The following CYSLTR1 variants were observed in gnomAD, a reference collection of about 807,000 sequenced individuals.
CYSLTR1 encodes cysteinyl leukotriene receptor 1, also known as G-protein coupled receptor HG55.
In CYSLTR1, 1 loss-of-function variant was observed where a neutral mutation model predicts 2.1. The ratio of observed to expected loss-of-function variants is 0.48; its 90% CI spans 0.17 to 2.28. CYSLTR1 has a LOEUF of 2.28. Among genes scored for constraint, CYSLTR1 ranks in the 30% most tolerant of loss-of-function variants. The probability of loss-of-function intolerance (pLI) is 0.26; values close to 1 mark genes in which losing one functional copy is unlikely to be tolerated. For synonymous variants in CYSLTR1, 110 were observed against 89.6 expected (o/e 1.23, Z -1.28); for missense variants, 299 against 250.1 (o/e 1.20, Z -1.32).
At chrX:78,314,899 G>T (rs1430023271) in intron 1 of CYSLTR1, among the ~76,000 whole-genome samples, 1 of 108,719 alleles carries the variant, frequency 9.2e-6, no homozygotes, top group East Asian at 2.9e-4. Flanking sequence ...CAGATACAGT[G>T]GACTAGAGAA....
chrX:78,304,899 G>A, intron 1 of CYSLTR1, among the ~76,000 whole-genome samples: 1 of 111,828 alleles, frequency 8.9e-6, no homozygotes, highest in African/African-American at 3.2e-5. Context: ...TTGTAATTTT[G>A]AGTTGGTCTG....
intron 1 of CYSLTR1, among the ~76,000 whole-genome samples, chrX:78,291,275 G>A (rs910252991): frequency 9.0e-6 from 1 of 111,710 alleles, no homozygotes; most frequent in Non-Finnish European, 1.9e-5. Flanking sequence ...ATTTGCATAT[G>A]TCGAACCAGC....
At chrX:78,320,274 A>G (rs1171487963) in intron 1 of CYSLTR1, 1 of 111,743 alleles carries the variant, frequency 8.9e-6, no homozygotes. Flanking sequence ...TCCATCTTGA[A>G]TTAATTTTTG....
At chrX:78,303,745 T>C (rs1603411289) in intron 1 of CYSLTR1, among the ~76,000 whole-genome samples, 1 of 111,951 alleles carries the variant, frequency 8.9e-6, no homozygotes, top group Non-Finnish European at 1.9e-5. Flanking sequence ...TAGTGGAAAA[T>C]TCATAGGACT....
At chrX:78,306,503 A>G (rs1404752526) in intron 1 of CYSLTR1, among the ~76,000 whole-genome samples, 2 of 111,708 alleles carry the variant, frequency 1.8e-5, no homozygotes, top group African/African-American at 6.5e-5. Context: ...ACCATCTCTT[A>G]TTTATAGTAA....
intron 1 of CYSLTR1, among the ~76,000 whole-genome samples, chrX:78,323,088 T>G (rs925540473): frequency 8.9e-6 from 1 of 112,064 alleles, no homozygotes; most frequent in African/African-American, 3.2e-5. Context: ...GAGGAGTGCA[T>G]GAGTGTGGGT....
At position 78,310,176 on chromosome X, in the gene CYSLTR1, C is replaced by G. The variant is rs766706286; in HGVS notation, c.-115+17129G>C. The stretch of plus-strand genomic sequence containing the variant: ...AGGTCTCCAGTGGCCTATTAATTAA[C>G]CTCAAAGAACTATTCAAGACTACAA... On this transcript the variant is annotated intron_variant, in intron 1 of 2. Coordinates refer to ENST00000373304, the MANE Select transcript of CYSLTR1 (RefSeq NM_006639.4). Among the ~76,000 whole-genome samples the G allele has an allele frequency of 5.1e-4, 57 of 111,562 alleles. 1 individual carries two copies. The highest frequency in any genetic ancestry group is 7.9e-4 in the Non-Finnish European group (42 of 53,024).
At chrX:78,279,029 C>T (rs1250270153) in intron 2 of CYSLTR1, among the ~76,000 whole-genome samples, 1 of 112,001 alleles carries the variant, frequency 8.9e-6, no homozygotes, top group East Asian at 2.8e-4. Flanking sequence ...TTAGGAAATA[C>T]CATTCTCGAC....
At chrX:78,298,545 T>A (rs1413566019) in intron 1 of CYSLTR1, among the ~76,000 whole-genome samples, 1 of 111,560 alleles carries the variant, frequency 9.0e-6, no homozygotes, top group Non-Finnish European at 1.9e-5. Flanking sequence ...TTTATATATC[T>A]GGATGCTCCC....
chrX:78,325,307 T>C (rs1923827026), intron 1 of CYSLTR1, among the ~76,000 whole-genome samples: 1 of 111,416 alleles, frequency 9.0e-6, no homozygotes, highest in Non-Finnish European at 1.9e-5. Flanking sequence ...AGCAATATAG[T>C]CTAGGGAGTA....
chrX:78,284,780 A>G (rs1921988142), intron 1 of CYSLTR1, among the ~76,000 whole-genome samples: 1 of 110,984 alleles, frequency 9.0e-6, no homozygotes, highest in African/African-American at 3.3e-5. Context: ...AAAAAAGAAA[A>G]AAGGAAAATA....
At chrX:78,278,717 G>T (rs1165562149) in intron 2 of CYSLTR1, among the ~76,000 whole-genome samples, 1 of 112,265 alleles carries the variant, frequency 8.9e-6, no homozygotes, top group African/African-American at 3.2e-5. Flanking sequence ...ACAGTACAAA[G>T]CTAGAGTAAC....
chrX:78,314,442 C>A (rs902680975), intron 1 of CYSLTR1, among the ~76,000 whole-genome samples: 1 of 111,644 alleles, frequency 9.0e-6, no homozygotes, highest in African/African-American at 3.3e-5. Flanking sequence ...AAAAAAATCA[C>A]CTTCACAAGA....
intron 1 of CYSLTR1, among the ~76,000 whole-genome samples, chrX:78,303,068 G>A (rs1027215502): frequency 4.5e-5 from 5 of 111,682 alleles, no homozygotes; most frequent in African/African-American, 6.5e-5. Context: ...GTAGCCCACA[G>A]CATCAAGACT....
chrX:78,300,204 A>G (rs1922757574), intron 1 of CYSLTR1, among the ~76,000 whole-genome samples: 1 of 112,214 alleles, frequency 8.9e-6, no homozygotes, highest in African/African-American at 3.2e-5. Flanking sequence ...TCTCTGTGTT[A>G]TCTTGAATTT....
intron 1 of CYSLTR1, among the ~76,000 whole-genome samples, chrX:78,322,051 C>T (rs1363671151): frequency 9.0e-6 from 1 of 111,312 alleles, no homozygotes; most frequent in Non-Finnish European, 1.9e-5. Context: ...CTCAGGGCTC[C>T]TAAAACCGAT....
At chrX:78,282,110 T>C (rs916040688) in intron 2 of CYSLTR1, among the ~76,000 whole-genome samples, 4 of 112,131 alleles carry the variant, frequency 3.6e-5, no homozygotes, top group Non-Finnish European at 7.5e-5. Context: ...TTTCACTGTC[T>C]TTTTTTCTTC....
At chrX:78,288,109 G>A (rs1015329640) in intron 1 of CYSLTR1, among the ~76,000 whole-genome samples, 4 of 110,789 alleles carry the variant, frequency 3.6e-5, no homozygotes, top group African/African-American at 6.6e-5. Context: ...AGGCTCAGGC[G>A]GGGAGAATTA....
In CYSLTR1 at chrX:78,272,918, C is replaced by T. The variant is rs191425988; in HGVS notation, c.829G>A (p.Val277Met). 12 of 1,209,048 alleles carry T rather than the reference C, an allele frequency of 9.9e-6. No individual in the cohort carries two copies. In the Admixed American group the frequency reaches 1.1e-4, roughly 11 times the overall value. ...CDSVLRMQKS[V>M]VITLSLAASN... is the part of the protein sequence containing the mutation. ...GCAGCCAGAGACAAGGTTATGACCACGGACTTCTGCATTCTAAGGACAGAA... is the reference window on the plus strand; with the variant it reads ...GCAGCCAGAGACAAGGTTATGACCATGGACTTCTGCATTCTAAGGACAGAA... Residue 277 changes from valine (V) to methionine (M), a missense_variant, in exon 3 of 3, where the codon GTG becomes ATG. By Grantham distance (21) the Val-to-Met change is conservative (BLOSUM62 1). Transcript: ENST00000373304.
Sources: gnomAD v4.1 joint callset for allele counts (sites outside exome capture counted in the v4.1 genomes callset) on GRCh38, gnomAD v4.1.1 for gene constraint, MANE v1.5 for transcripts, NCBI Gene and HGNC (gene_info 2026-07-23, HGNC 2026-07-21) for gene names.